Variants in SHPRH observed in about 807,000 individuals in gnomAD.
SHPRH encodes SNF2 histone linker PHD RING helicase.
Under a neutral mutation model 202.5 loss-of-function variants are expected in SHPRH, and 106 were observed. The ratio of observed to expected loss-of-function variants is 0.52; its 90% confidence interval spans 0.45 to 0.62. The LOEUF (loss-of-function observed/expected upper bound fraction) is 0.62. SHPRH is among the 20% of genes least tolerant of loss of function. The pLI is 0.00. For missense variants in SHPRH, 1,710 were observed against 2,020.0 expected (o/e 0.85, Z 2.94); for synonymous variants, 729 against 686.0 (o/e 1.06, Z -0.98).
In SHPRH at chr6:145,935,077, C is replaced by T. The variant is rs1562341833; in HGVS notation, c.2820G>A (p.Val940=). 1.2e-6 allele frequency: 2 copies of T among 1,613,582 alleles called. No homozygotes were observed. Among genetic ancestry groups the T allele is most frequent in the Non-Finnish European group, 1.7e-6 (2 of 1,179,978 alleles). Residue 940 remains valine, a synonymous_variant, in exon 13 of 30, where the codon GTG becomes GTA. Coordinates refer to ENST00000275233, the MANE Select transcript of SHPRH (RefSeq NM_001042683.3). ...GTTTTACCACCACATCCTGGCAGCACACCTCATGCTGACGGTGATAGAAAT... is the reference window on the plus strand; with the variant it reads ...GTTTTACCACCACATCCTGGCAGCATACCTCATGCTGACGGTGATAGAAAT... The part of the protein sequence containing the change: ...ERHFYHRQHE[V]CCQDVVVKLR...
At position 145,940,774 on chromosome 6, in the gene SHPRH, C is replaced by T; in HGVS notation, c.2518G>A (p.Gly840Arg). The change falls in exon 11 of 30, where the codon GGG becomes AGG. Residue 840 changes from glycine to arginine, a missense_variant. Coordinates refer to ENST00000275233, the MANE Select transcript of SHPRH (RefSeq NM_001042683.3). The stretch of plus-strand genomic sequence containing the variant: ...CCACTGATACACCATCGATTAATCC[C>T]ACTCAAACGCTGGGCCATTTCTGCA... ...KAAEMAQRLS[G>R]INRWCISGTP... The T allele has an allele frequency of 6.2e-7, 1 of 1,613,796 alleles. No homozygotes were observed.
intron 2 of SHPRH, among the ~76,000 whole-genome samples, chr6:145,875,787 C>T (rs1309825716): frequency 2.0e-5 from 3 of 152,140 alleles, no homozygotes; most frequent in East Asian, 3.8e-4. Flanking sequence ...AATTACAGCC[C>T]GCAATTCCAG....
intron 1 of SHPRH, among the ~76,000 whole-genome samples, chr6:145,959,513 CT>C (rs35307637): frequency 0.63 from 96,222 of 151,868 alleles, 30,995 homozygotes; most frequent in African/African-American, 0.73. Context: ...TAAGTATACT[CT>C]TAAGATGTTC....
intron 9 of SHPRH, among the ~76,000 whole-genome samples, chr6:145,942,305 C>G (rs1478805442): frequency 6.6e-6 from 1 of 152,150 alleles, no homozygotes; most frequent in Non-Finnish European, 1.5e-5. Context: ...TTTTATGTTT[C>G]AGATACTGTG....
chr6:145,870,777 G>C (rs1389824793), intron 2 of SHPRH, among the ~76,000 whole-genome samples: 1 of 152,296 alleles, frequency 6.6e-6, no homozygotes, highest in East Asian at 1.9e-4. Flanking sequence ...TATGATGTTA[G>C]CTGTAGGGTT....
At chr6:145,924,874 T>A in intron 16 of SHPRH, 28 bp from the exon 17 acceptor site, 1 of 1,537,864 alleles carries the variant, frequency 6.5e-7, no homozygotes, top group Non-Finnish European at 9.0e-7. Flanking sequence ...ATATAAACTT[T>A]CACTCCCAAT....
chr6:145,868,938 T>C (rs1272612437), intron 2 of SHPRH, among the ~76,000 whole-genome samples: 1 of 152,210 alleles, frequency 6.6e-6, no homozygotes, highest in African/African-American at 2.4e-5. Context: ...ATTTATTTCA[T>C]GAGATATGAG....
chr6:145,911,957 C>T (rs1039492156), intron 24 of SHPRH, among the ~76,000 whole-genome samples: 3 of 151,956 alleles, frequency 2.0e-5, no homozygotes, highest in African/African-American at 7.2e-5. Context: ...CACAGAGCAG[C>T]ACTATATTGT....
At chr6:145,956,724 A>T (rs1296501774) in intron 1 of SHPRH, among the ~76,000 whole-genome samples, 1 of 152,126 alleles carries the variant, frequency 6.6e-6, no homozygotes, top group Non-Finnish European at 1.5e-5. Flanking sequence ...ATTTTCAAGC[A>T]TACATAAAAA....
rs541918716 is a variant in SHPRH, at chr6:145,873,127, C to T, written c.222-8636G>A. On this transcript the variant is annotated intron_variant, in intron 2 of 2. Coordinates refer to the SHPRH transcript ENST00000417762. ...CTGTGTAGCAAACCACCATGGCACA[C>T]ATTTACCTATGTAACAAACCTGCAT... Among the ~76,000 whole-genome samples, 5 of 152,180 alleles carry T rather than the reference C, an allele frequency of 3.3e-5. No homozygotes were observed. In the South Asian group the frequency reaches 8.3e-4, roughly 25 times the overall value.
chr6:145,919,132 A>C (rs780452910), intron 22 of SHPRH: 3 of 519,002 alleles, frequency 5.8e-6, no homozygotes, highest in Non-Finnish European at 9.7e-6. Context: ...AAGATGCCCC[A>C]AAATAGTGAA....
chr6:145,915,493 T>C (rs1783868855), intron 23 of SHPRH, among the ~76,000 whole-genome samples: 1 of 151,932 alleles, frequency 6.6e-6, no homozygotes, highest in Admixed American at 6.6e-5. Flanking sequence ...ATTCTTCCAG[T>C]TTATGTTTGT....
At chr6:145,927,003 T>C (rs528930404) in intron 15 of SHPRH, among the ~76,000 whole-genome samples, 186 bp downstream of exon 15, 126 of 152,106 alleles carry the variant, frequency 8.3e-4, no homozygotes, top group Non-Finnish European at 1.5e-3. Flanking sequence ...CTGAATGGAA[T>C]AGTAGTGATT....
intron 2 of SHPRH, among the ~76,000 whole-genome samples, chr6:145,868,214 G>C (rs188730582): frequency 1.1e-3 from 161 of 152,090 alleles, no homozygotes; most frequent in Non-Finnish European, 1.6e-3. Flanking sequence ...ATTGGATTAG[G>C]GTCCACCAAT....
chr6:145,943,089 T>G lies in SHPRH; in HGVS notation c.2238+54A>C, dbSNP rs905193734. 2.0e-6 allele frequency: 3 copies of G among 1,507,384 alleles called. No homozygotes were observed. In the Admixed American group the frequency reaches 6.8e-5, roughly 34 times the overall value. The allele number at this position is 1,507,384 out of a possible 1,614,324, so 93.4% of individuals were successfully genotyped here. A position where few individuals can be genotyped will look rare whatever the true frequency, so the allele number is the denominator to read the frequency against. Reference sequence around the variant, plus strand: ...AGAAACAAAGATTAGGAAACTATCATGAAGAAGCAAAACTTTACATTTTCC... The same window carrying G: ...AGAAACAAAGATTAGGAAACTATCAGGAAGAAGCAAAACTTTACATTTTCC... On this transcript the variant is annotated intron_variant, in intron 9 of 29. Transcript: ENST00000275233.
intron 13 of SHPRH, among the ~76,000 whole-genome samples, chr6:145,934,039 T>C (rs972917881): frequency 2.6e-5 from 4 of 152,036 alleles, no homozygotes; most frequent in Non-Finnish European, 4.4e-5. Flanking sequence ...TAATCCTAAT[T>C]TTAAAAGAAG....
chr6:145,899,669 A>G (rs1782325231), intron 25 of SHPRH, among the ~76,000 whole-genome samples: 2 of 152,298 alleles, frequency 1.3e-5, no homozygotes, highest in South Asian at 4.1e-4. Flanking sequence ...ATAGGATCGC[A>G]TTAAAGTTAA....
At chr6:145,868,706 A>G (rs1337353070) in intron 2 of SHPRH, among the ~76,000 whole-genome samples, 1 of 152,290 alleles carries the variant, frequency 6.6e-6, no homozygotes, top group Non-Finnish European at 1.5e-5. Context: ...AGTATATTCA[A>G]TCTGAAGCTG....
At chr6:145,898,405 A>G (rs977061713) in intron 25 of SHPRH, among the ~76,000 whole-genome samples, 1 of 152,028 alleles carries the variant, frequency 6.6e-6, no homozygotes, top group Non-Finnish European at 1.5e-5. Flanking sequence ...TATATAACAT[A>G]ATCTATAGAC....
Sources: gnomAD v4.1 joint callset for allele counts (sites outside exome capture counted in the v4.1 genomes callset) on GRCh38, gnomAD v4.1.1 for gene constraint, MANE v1.5 for transcripts, NCBI Gene and HGNC (gene_info 2026-07-23, HGNC 2026-07-21) for gene names.